NAV3: variants seen among roughly 807,000 people sequenced by gnomAD.
NAV3 encodes the protein pore membrane and/or filament interacting like protein 1.
Under a neutral mutation model 244.7 loss-of-function variants are expected in NAV3, and 87 were observed. That is an observed-to-expected ratio of 0.36 (90% CI 0.30 to 0.42). The LOEUF (loss-of-function observed/expected upper bound fraction) is 0.42, where lower values mean the gene tolerates loss of function less well. Ranked by LOEUF, NAV3 falls within the 20% of genes least tolerant of loss-of-function variation. The pLI, the probability that NAV3 is intolerant of heterozygous loss-of-function variation, is 1.00. For synonymous variants in NAV3, 1,126 were observed against 1,042.2 expected (o/e 1.08, Z -1.55); for missense variants, 2,663 against 2,893.3 (o/e 0.92, Z 1.83).
chr12:77,811,359 A>C (rs112055218), intron 2 of NAV3, among the ~76,000 whole-genome samples: 236 of 152,304 alleles, frequency 1.5e-3, no homozygotes, highest in African/African-American at 5.1e-3. Flanking sequence ...TAATTATAGG[A>C]CTTAATAGTT....
intron 1 of NAV3, among the ~76,000 whole-genome samples, chr12:77,916,969 T>C (rs1887208242): frequency 6.6e-6 from 1 of 151,990 alleles, no homozygotes; most frequent in Non-Finnish European, 1.5e-5. Flanking sequence ...ATCACATCAA[T>C]AGGATATTTA....
intron 2 of NAV3, among the ~76,000 whole-genome samples, chr12:77,666,042 G>A (rs1013948307): frequency 2.6e-5 from 4 of 151,866 alleles, no homozygotes; most frequent in African/African-American, 9.7e-5. Context: ...ACTTTAATTA[G>A]TTTATTATCT....
chr12:77,742,386 A>G (rs1868352982), intron 2 of NAV3, among the ~76,000 whole-genome samples: 1 of 152,120 alleles, frequency 6.6e-6, no homozygotes, highest in African/African-American at 2.4e-5. Context: ...CTTGAACAAC[A>G]CAGCTTTGAA....
chr12:77,964,282 C>A (rs534266254), intron 3 of NAV3, among the ~76,000 whole-genome samples: 10 of 152,128 alleles, frequency 6.6e-5, no homozygotes, highest in Admixed American at 3.9e-4. Flanking sequence ...ATATGAGTAA[C>A]TAAACTTTAG....
chr12:77,760,716 G>A (rs1869418521), intron 2 of NAV3, among the ~76,000 whole-genome samples: 1 of 152,170 alleles, frequency 6.6e-6, no homozygotes, highest in African/African-American at 2.4e-5. Context: ...TTTAGTGTCT[G>A]TTTGGAACAA....
intron 9 of NAV3, among the ~76,000 whole-genome samples, chr12:78,030,858 A>T (rs566819674): frequency 2.9e-4 from 44 of 152,324 alleles, no homozygotes; most frequent in African/African-American, 1.1e-3. Flanking sequence ...GTGGAATAAC[A>T]TGAAAATAAT....
chr12:78,177,614 A>G lies in NAV3; in HGVS notation c.5298-6A>G, dbSNP rs773522788. On this transcript the variant is annotated splice_region_variant and splice_polypyrimidine_tract_variant and intron_variant, in intron 27 of 39. Coordinates refer to ENST00000397909, the MANE Select transcript of NAV3 (RefSeq NM_001024383.2). ...CATGTATCTGTCTAACTGTATGTAC[A>G]TACAGGTCACCCCTTGTCTGGCCAC... 8 of 1,596,924 alleles carry G rather than the reference A, an allele frequency of 5.0e-6. No individual in the cohort carries two copies. The highest frequency in any genetic ancestry group is 3.3e-5 in the South Asian group (3 of 91,018).
At chr12:77,688,965 T>G (rs1874882884) in intron 2 of NAV3, among the ~76,000 whole-genome samples, 1 of 151,920 alleles carries the variant, frequency 6.6e-6, no homozygotes, top group Non-Finnish European at 1.5e-5. Flanking sequence ...TTTTATAACT[T>G]TCTCTGAAAC....
intron 12 of NAV3, among the ~76,000 whole-genome samples, chr12:78,098,826 G>A (rs1774806562): frequency 6.6e-6 from 1 of 151,424 alleles, no homozygotes; most frequent in African/African-American, 2.4e-5. Context: ...AGCTAAGTAA[G>A]TTATAGAAAA....
chr12:78,034,628 G>A (rs922213801), intron 9 of NAV3, among the ~76,000 whole-genome samples: 1 of 152,124 alleles, frequency 6.6e-6, no homozygotes, highest in Admixed American at 6.5e-5. Context: ...TGCATTTTTT[G>A]TGAATCTGTA....
chr12:78,109,756 GA>G (rs954867046), intron 12 of NAV3, among the ~76,000 whole-genome samples: 11 of 151,462 alleles, frequency 7.3e-5, no homozygotes, highest in African/African-American at 1.7e-4. Flanking sequence ...ATCTCTTCAT[GA>G]AAAAAAACTC....
intron 2 of NAV3, among the ~76,000 whole-genome samples, chr12:77,580,731 A>G (rs1869323860): frequency 6.6e-6 from 1 of 152,218 alleles, no homozygotes; most frequent in Non-Finnish European, 1.5e-5. Context: ...TTCTCAATAC[A>G]TGAACTGACT....
chr12:77,990,657 A>G (rs1871293653), intron 5 of NAV3, among the ~76,000 whole-genome samples: 2 of 152,190 alleles, frequency 1.3e-5, no homozygotes, highest in African/African-American at 4.8e-5. Context: ...ATTAATATTA[A>G]TTGCTTAGTT....
intron 2 of NAV3, among the ~76,000 whole-genome samples, chr12:77,810,329 G>A (rs981417714): frequency 2.0e-5 from 3 of 151,944 alleles, no homozygotes; most frequent in Admixed American, 6.6e-5. Flanking sequence ...CCGCCACCAC[G>A]CCGGGCTAAT....
intron 2 of NAV3, among the ~76,000 whole-genome samples, chr12:77,816,839 T>C (rs1306308902): frequency 6.6e-6 from 1 of 152,234 alleles, no homozygotes; most frequent in East Asian, 1.9e-4. Context: ...TTTAGCTCAA[T>C]TCTAAACATC....
intron 2 of NAV3, among the ~76,000 whole-genome samples, chr12:77,654,919 TAACA>T (rs368475756): frequency 0.18 from 26,606 of 150,932 alleles, 3,007 homozygotes; most frequent in African/African-American, 0.33. Flanking sequence ...GGAGGAAAAC[TAACA>T]AACAGAAAGG....
At chr12:78,097,994 G>A (rs1014764433) in intron 12 of NAV3, among the ~76,000 whole-genome samples, 1 of 152,090 alleles carries the variant, frequency 6.6e-6, no homozygotes, top group Non-Finnish European at 1.5e-5. Flanking sequence ...TATTTATTAA[G>A]CAGAACGCCT....
intron 2 of NAV3, among the ~76,000 whole-genome samples, chr12:77,811,585 C>G (rs1872290664): frequency 6.6e-6 from 1 of 152,162 alleles, no homozygotes; most frequent in Admixed American, 6.5e-5. Context: ...TAAGCTTTCC[C>G]AGCACCTAAC....
chr12:77,717,025 T>A (rs1876392897), intron 2 of NAV3, among the ~76,000 whole-genome samples: 1 of 152,030 alleles, frequency 6.6e-6, no homozygotes, highest in South Asian at 2.1e-4. Flanking sequence ...TTGCTAAAAA[T>A]TAAACATATG....
Sources: allele counts gnomAD v4.1 joint callset (sites outside exome capture counted in the v4.1 genomes callset), GRCh38; gene constraint gnomAD v4.1.1; transcripts MANE v1.5; gene names NCBI Gene and HGNC (gene_info 2026-07-23, HGNC 2026-07-21).